The following NOVA1 variants were observed in gnomAD, a reference collection of about 807,000 sequenced individuals.
The protein encoded by NOVA1 is RNA-binding protein Nova-1.
Under a neutral mutation model 38.0 loss-of-function variants are expected in NOVA1, and 7 were observed. The ratio of observed to expected loss-of-function variants is 0.18; its 90% CI spans 0.10 to 0.35. The LOEUF (loss-of-function observed/expected upper bound fraction) is 0.35, where lower values mean the gene tolerates loss of function less well. Ranked by LOEUF, NOVA1 falls within the 10% of genes least tolerant of loss-of-function variation. NOVA1 has a pLI of 1.00. For missense variants in NOVA1, 460 were observed against 616.0 expected, an observed-to-expected ratio of 0.75 and a Z score of 2.68; for synonymous variants, 270 against 232.5, an observed-to-expected ratio of 1.16 and a Z score of -1.47.
At chr14:26,523,138 G>A (rs538362186) in intron 2 of NOVA1, among the ~76,000 whole-genome samples, 2 of 152,044 alleles carry the variant, frequency 1.3e-5, no homozygotes, top group Non-Finnish European at 2.9e-5. Context: ...CTCACCACTG[G>A]GAAATGACTT....
Position 26,480,150 on chromosome 14 carries a change from A to G in NOVA1, c.281-7T>C. 2 of 1,592,188 alleles carry G rather than the reference A, an allele frequency of 1.3e-6. No homozygotes were observed. The highest frequency in any genetic ancestry group is 1.7e-6 in the Non-Finnish European group (2 of 1,168,488). ...CACACTCGCTCAGTAGTACCTGTGG[A>G]TAAAACATTGATTTTCAGAAAATAT... On this transcript the variant is annotated splice_region_variant and splice_polypyrimidine_tract_variant and intron_variant, in intron 2 of 4. Transcript: ENST00000539517.
intron 2 of NOVA1, among the ~76,000 whole-genome samples, chr14:26,556,527 AC>A (rs1891488980): frequency 1.3e-5 from 2 of 152,172 alleles, no homozygotes; most frequent in Admixed American, 6.5e-5. Flanking sequence ...CTCAAAATAC[AC>A]CAAAGATAAA....
rs199939088 is a variant in NOVA1, at chr14:26,597,337, G to A, written c.100C>T (p.Pro34Ser). The change falls in exon 1 of 5, where the codon CCT becomes TCT. Residue 34 changes from proline to serine, a missense_variant. Transcript: ENST00000539517. ...DSRKRPLEAPPEAGSTKRTNT... is the reference protein window; with the variant it reads ...DSRKRPLEAPSEAGSTKRTNT... ...GTCCTCTTGGTGCTGCCGGCTTCAG[G>A]GGGGGCTTCCAGCGGCCTTTTCCGC... 1 of 1,262,226 alleles carries A rather than the reference G, an allele frequency of 7.9e-7. No individual in the cohort carries two copies. Among genetic ancestry groups the A allele is most frequent in the Non-Finnish European group, 1.0e-6 (1 of 995,450 alleles). 78.2% of individuals were successfully genotyped at this position (1,262,226 alleles called of 1,614,324 possible). A position where few individuals can be genotyped will look rare whatever the true frequency, so the allele number is the denominator to read the frequency against.
rs1881936901 is a variant in NOVA1 at position 26,444,697 on chromosome 14, G to C, written c.*3262C>G. ...GGGGTGGGTGAAGTGAAGTAGGATTGAAAGTCCTACAGGTAATAGCAATAA... is the reference window on the plus strand; with the variant it reads ...GGGGTGGGTGAAGTGAAGTAGGATTCAAAGTCCTACAGGTAATAGCAATAA... On this transcript the variant is annotated 3_prime_UTR_variant, in exon 5 of 5. Transcript: ENST00000539517. The C allele has an allele frequency of 6.6e-6, 1 of 152,076 alleles. No individual in the cohort carries two copies. Among genetic ancestry groups the C allele is most frequent in the Non-Finnish European group, 1.5e-5 (1 of 68,002 alleles). 9.4% of individuals were successfully genotyped at this position (152,076 alleles called of 1,614,324 possible).
intron 2 of NOVA1, among the ~76,000 whole-genome samples, chr14:26,486,931 C>CAA: frequency 6.6e-6 from 1 of 152,020 alleles, no homozygotes; most frequent in Middle Eastern, 3.4e-3. Context: ...AACTAAAACA[C>CAA]AAAGTATCCT....
intron 3 of NOVA1, among the ~76,000 whole-genome samples, chr14:26,478,533 G>A (rs1405536921): frequency 6.6e-6 from 1 of 151,894 alleles, no homozygotes; most frequent in Non-Finnish European, 1.5e-5. Flanking sequence ...AGCCCCAGGT[G>A]ATTTTAACCT....
intron 2 of NOVA1, among the ~76,000 whole-genome samples, chr14:26,515,194 T>G (rs1249152709): frequency 3.9e-5 from 6 of 151,956 alleles, no homozygotes. Flanking sequence ...TGATTACTTT[T>G]GAAAATTCGC....
At chr14:26,540,400 T>C (rs1890388337) in intron 2 of NOVA1, among the ~76,000 whole-genome samples, 1 of 152,110 alleles carries the variant, frequency 6.6e-6, no homozygotes. Flanking sequence ...CAGGGAAAAA[T>C]CGTCTTCCAC....
chr14:26,496,334 T>C (rs1886777506), intron 2 of NOVA1, among the ~76,000 whole-genome samples: 1 of 152,316 alleles, frequency 6.6e-6, no homozygotes. Context: ...GCCCACTTTT[T>C]GATGGGGTTG....
chr14:26,540,721 T>C (rs1355700582), intron 2 of NOVA1, among the ~76,000 whole-genome samples: 1 of 152,210 alleles, frequency 6.6e-6, no homozygotes, highest in African/African-American at 2.4e-5. Context: ...AATTTTAAAC[T>C]GTGGCACTGA....
intron 2 of NOVA1, among the ~76,000 whole-genome samples, chr14:26,502,819 G>T (rs1457361745): frequency 6.6e-6 from 1 of 151,940 alleles, no homozygotes; most frequent in African/African-American, 2.4e-5. Context: ...TTTGAAATAT[G>T]ATACATACAA....
intron 2 of NOVA1, chr14:26,592,720 A>G (rs1413136364): frequency 2.0e-5 from 3 of 151,702 alleles, no homozygotes; most frequent in Non-Finnish European, 4.4e-5. Context: ...TGCTTAAGAT[A>G]TTTTCAAAAG....
chr14:26,590,560 C>G, intron 2 of NOVA1, among the ~76,000 whole-genome samples: 1 of 151,750 alleles, frequency 6.6e-6, no homozygotes, highest in African/African-American at 2.4e-5. Context: ...GAAGCCAGAG[C>G]AAAAAACTCC....
chr14:26,522,839 C>G (rs1442051352), intron 2 of NOVA1, among the ~76,000 whole-genome samples: 1 of 152,002 alleles, frequency 6.6e-6, no homozygotes, highest in Non-Finnish European at 1.5e-5. Flanking sequence ...TATGAATAAC[C>G]ACAGATTTCA....
At chr14:26,479,939 G>A in intron 3 of NOVA1, 38 bp downstream of exon 3, 1 of 1,604,528 alleles carries the variant, frequency 6.2e-7, no homozygotes, top group Non-Finnish European at 8.5e-7. Flanking sequence ...ATACTATGCT[G>A]TGGATATTTC....
chr14:26,510,645 G>A (rs540691151), intron 2 of NOVA1, among the ~76,000 whole-genome samples: 1 of 152,176 alleles, frequency 6.6e-6, no homozygotes, highest in African/African-American at 2.4e-5. Flanking sequence ...GAAGAGTCAT[G>A]GTAGAGAAAG....
intron 2 of NOVA1, among the ~76,000 whole-genome samples, chr14:26,568,689 G>T (rs1892285136): frequency 6.6e-6 from 1 of 152,090 alleles, no homozygotes; most frequent in African/African-American, 2.4e-5. Context: ...CATGTAAGGG[G>T]ACATTTACCT....
Position 26,597,508 on chromosome 14 carries a change from T to TTTTTTC in NOVA1, c.-73_-72insGAAAAA. On this transcript the variant is annotated 5_prime_UTR_variant, in exon 1 of 5. Coordinates refer to ENST00000539517, the MANE Select transcript of NOVA1 (RefSeq NM_002515.3). ...TTTTGGCTTTTTCTTTTCTTTTTTC[T>TTTTTTC]TTTTTTTTTTTTTTTTTTTTTGCGT... The TTTTTTC allele has an allele frequency of 1.3e-5, 3 of 234,898 alleles. No homozygotes were observed. Among genetic ancestry groups the TTTTTTC allele is most frequent in the African/African-American group, 1.1e-4 (1 of 8,872 alleles). 14.6% of individuals were successfully genotyped at this position (234,898 alleles called of 1,614,324 possible).
At chr14:26,561,615 G>A (rs1891829368) in intron 2 of NOVA1, among the ~76,000 whole-genome samples, 1 of 152,068 alleles carries the variant, frequency 6.6e-6, no homozygotes, top group Non-Finnish European at 1.5e-5. Context: ...AAACAGAGGT[G>A]ACTTACTATT....
Sources: gnomAD v4.1 joint callset for allele counts (sites outside exome capture counted in the v4.1 genomes callset) on GRCh38, gnomAD v4.1.1 for gene constraint, MANE v1.5 for transcripts, NCBI Gene and HGNC (gene_info 2026-07-23, HGNC 2026-07-21) for gene names.